Variants in FHIT observed in about 807,000 individuals in gnomAD.
FHIT encodes the protein bis(5'-adenosyl)-triphosphatase.
FHIT carries 19 observed loss-of-function variants against 17.9 expected under a neutral mutation model. That is an observed-to-expected ratio of 1.06 (90% CI 0.74 to 1.56). The LOEUF (loss-of-function observed/expected upper bound fraction) is 1.56. FHIT is among the 40% of genes most tolerant of loss of function. The pLI is 0.00. For missense variants in FHIT, 248 were observed against 189.2 expected (o/e 1.31, Z -1.82); for synonymous variants, 81 against 69.7 (o/e 1.16, Z -0.81).
intron 5 of FHIT, among the ~76,000 whole-genome samples, chr3:60,240,850 G>T (rs1439843166): frequency 1.3e-5 from 2 of 152,028 alleles, no homozygotes; most frequent in South Asian, 4.1e-4. Flanking sequence ...TACCTGCTTT[G>T]AAATAAACCA....
chr3:60,513,809 T>C (rs2035038136), intron 5 of FHIT, among the ~76,000 whole-genome samples: 1 of 152,152 alleles, frequency 6.6e-6, no homozygotes, highest in Non-Finnish European at 1.5e-5. Context: ...GCCCAGATGT[T>C]GCCTTTTCCA....
At chr3:60,507,314 AG>A (rs768514314) in intron 5 of FHIT, among the ~76,000 whole-genome samples, 10 of 152,184 alleles carry the variant, frequency 6.6e-5, no homozygotes, top group Non-Finnish European at 1.5e-4. Flanking sequence ...GAGGAATGAA[AG>A]AGGCTAGTAT....
At chr3:59,927,815 G>A (rs932687390) in intron 7 of FHIT, among the ~76,000 whole-genome samples, 3 of 152,060 alleles carry the variant, frequency 2.0e-5, no homozygotes, top group South Asian at 2.1e-4. Flanking sequence ...ACTGCAGTGG[G>A]TTTCAGAGCA....
intron 7 of FHIT, among the ~76,000 whole-genome samples, chr3:59,969,747 T>C (rs1708093453): frequency 6.6e-6 from 1 of 151,946 alleles, no homozygotes; most frequent in Admixed American, 6.6e-5. Flanking sequence ...TAGTACAGCT[T>C]CATCATCTAC....
intron 3 of FHIT, among the ~76,000 whole-genome samples, chr3:60,861,087 TA>T (rs1368020127): frequency 2.1e-5 from 2 of 94,430 alleles, no homozygotes; most frequent in South Asian, 3.0e-4. Flanking sequence ...ACGTCATATA[TA>T]TCAGATATCA....
chr3:60,692,345 T>G (rs1465579664), intron 4 of FHIT, among the ~76,000 whole-genome samples: 1 of 152,188 alleles, frequency 6.6e-6, no homozygotes, highest in Non-Finnish European at 1.5e-5. Context: ...TGTGTTAGAT[T>G]ACATGGCAAA....
intron 3 of FHIT, among the ~76,000 whole-genome samples, chr3:61,007,830 A>T (rs766198804): frequency 1.3e-5 from 2 of 152,108 alleles, no homozygotes; most frequent in Non-Finnish European, 2.9e-5. Context: ...GACCAGAGCA[A>T]CACCCAGAGG....
At chr3:60,773,831 G>C (rs1225726326) in intron 4 of FHIT, among the ~76,000 whole-genome samples, 2 of 152,210 alleles carry the variant, frequency 1.3e-5, no homozygotes, top group East Asian at 1.9e-4. Context: ...AACAATACCA[G>C]TCTGATTTCT....
intron 5 of FHIT, among the ~76,000 whole-genome samples, chr3:60,152,600 A>G (rs1043924389): frequency 1.3e-5 from 2 of 152,210 alleles, no homozygotes; most frequent in African/African-American, 4.8e-5. Flanking sequence ...TTTCAAAGAA[A>G]TGCTCTGAAC....
At chr3:59,889,520 G>A (rs568340751) in intron 8 of FHIT, among the ~76,000 whole-genome samples, 1 of 152,284 alleles carries the variant, frequency 6.6e-6, no homozygotes, top group Non-Finnish European at 1.5e-5. Context: ...GACTCACTAG[G>A]CAACCATGGC....
chr3:60,051,326 C>CTT (rs773498624), intron 5 of FHIT, among the ~76,000 whole-genome samples: 10,740 of 131,766 alleles, frequency 0.082, 628 homozygotes, highest in South Asian at 0.17. Flanking sequence ...ATTTAGGATG[C>CTT]TTTTTTTTTT....
chr3:60,011,140 T>C (rs1700119378), intron 7 of FHIT, among the ~76,000 whole-genome samples: 1 of 149,990 alleles, frequency 6.7e-6, no homozygotes, highest in South Asian at 2.2e-4. Flanking sequence ...TGTTTTAGCG[T>C]TTGCACAATA....
At chr3:60,001,591 T>G (rs1699730352) in intron 7 of FHIT, among the ~76,000 whole-genome samples, 1 of 152,042 alleles carries the variant, frequency 6.6e-6, no homozygotes, top group African/African-American at 2.4e-5. Flanking sequence ...GTGCTTTGAG[T>G]TTCCAGGTAT....
intron 8 of FHIT, among the ~76,000 whole-genome samples, chr3:59,860,756 A>G (rs1702369682): frequency 6.6e-6 from 1 of 152,200 alleles, no homozygotes; most frequent in Admixed American, 6.6e-5. Context: ...GAGCCACCAG[A>G]GAGTGTCAGA....
intron 4 of FHIT, among the ~76,000 whole-genome samples, chr3:60,569,573 C>T (rs1250601812): frequency 6.6e-6 from 1 of 151,576 alleles, no homozygotes; most frequent in Non-Finnish European, 1.5e-5. Flanking sequence ...AACGTAAGCT[C>T]TAGTGTCAGA....
chr3:60,620,825 A>T (rs1307548509), intron 4 of FHIT, among the ~76,000 whole-genome samples: 1 of 152,180 alleles, frequency 6.6e-6, no homozygotes, highest in African/African-American at 2.4e-5. Context: ...GTGTATCAAA[A>T]TTGGCTCATC....
At chr3:59,761,465 T>C (rs1701508256) in intron 8 of FHIT, among the ~76,000 whole-genome samples, 1 of 152,024 alleles carries the variant, frequency 6.6e-6, no homozygotes, top group Admixed American at 6.6e-5. Context: ...CACAAACCTA[T>C]GATAAAGTTG....
chr3:59,911,876 C>T (rs1559723373), intron 8 of FHIT, among the ~76,000 whole-genome samples: 1 of 152,150 alleles, frequency 6.6e-6, no homozygotes, highest in Non-Finnish European at 1.5e-5. Flanking sequence ...CATTTCTTGA[C>T]AACCTACTCT....
chr3:59,858,909 AAAT>A (rs983111683), intron 8 of FHIT, among the ~76,000 whole-genome samples: 22 of 152,188 alleles, frequency 1.4e-4, no homozygotes, highest in African/African-American at 4.6e-4. Context: ...CCAGATATGG[AAAT>A]AATAATAAGT....
Sources: gnomAD v4.1 joint callset for allele counts (sites outside exome capture counted in the v4.1 genomes callset) on GRCh38, gnomAD v4.1.1 for gene constraint, MANE v1.5 for transcripts, NCBI Gene and HGNC (gene_info 2026-07-23, HGNC 2026-07-21) for gene names.